The following UBE2E1 variants were observed in gnomAD, a reference collection of about 807,000 sequenced individuals.
UBE2E1 encodes the protein ubiquitin conjugating enzyme E2 E1.
UBE2E1 carries 6 observed loss-of-function variants against 21.4 expected under a neutral mutation model. The observed-to-expected ratio is 0.28, with a 90% CI of 0.15 to 0.55. The LOEUF is 0.55. UBE2E1 is among the 20% of genes least tolerant of loss of function. UBE2E1 has a pLI of 0.93. For synonymous variants in UBE2E1, 87 were observed against 82.7 expected, an observed-to-expected ratio of 1.05 and a Z score of -0.28; for missense variants, 142 against 236.5, an observed-to-expected ratio of 0.60 and a Z score of 2.62.
intron 3 of UBE2E1, among the ~76,000 whole-genome samples, chr3:23,843,636 C>T (rs1219939897): frequency 1.3e-5 from 2 of 152,118 alleles, no homozygotes; most frequent in Non-Finnish European, 2.9e-5. Flanking sequence ...TGTTTTGAAC[C>T]AGCACCCTTC....
intron 3 of UBE2E1, among the ~76,000 whole-genome samples, chr3:23,855,653 C>A (rs1054027670): frequency 6.6e-6 from 1 of 151,960 alleles, no homozygotes; most frequent in Non-Finnish European, 1.5e-5. Flanking sequence ...CATGATGAAA[C>A]CCCGTCTCTA....
rs777184116 is a variant in UBE2E1, at chr3:23,887,403, A to G, written c.204-164A>G. On this transcript the variant is annotated intron_variant, in intron 3 of 5. Coordinates refer to ENST00000306627, the MANE Select transcript of UBE2E1 (RefSeq NM_003341.5). The surrounding 1 kb of genome is among the most constrained non-coding windows in gnomAD (Gnocchi z 4.4). ...CATCCAGTTTGCTTGACCAATGGCT[A>G]TGGGTTTGTTGCAGTTCTGCATCCG... Among the ~76,000 whole-genome samples, 1 of 152,176 alleles carries G rather than the reference A, an allele frequency of 6.6e-6. No homozygotes were observed. Among genetic ancestry groups the G allele is most frequent in the Non-Finnish European group, 1.5e-5 (1 of 68,024 alleles).
At chr3:23,884,781 A>G (rs1701139928) in intron 3 of UBE2E1, among the ~76,000 whole-genome samples, 1 of 152,076 alleles carries the variant, frequency 6.6e-6, no homozygotes, top group Non-Finnish European at 1.5e-5. Context: ...GATTTTAGAG[A>G]GCCTGGCTTC....
intron 3 of UBE2E1, among the ~76,000 whole-genome samples, chr3:23,846,975 A>G (rs1189982835): frequency 2.0e-5 from 3 of 152,190 alleles, no homozygotes; most frequent in Non-Finnish European, 4.4e-5. Context: ...CAATATGTTA[A>G]TCATGTTATT....
At chr3:23,826,726 T>G (rs931302580) in intron 3 of UBE2E1, among the ~76,000 whole-genome samples, 1 of 152,206 alleles carries the variant, frequency 6.6e-6, no homozygotes, top group African/African-American at 2.4e-5. Flanking sequence ...TTTTTCATAG[T>G]TTTTTGTTAT....
intron 3 of UBE2E1, among the ~76,000 whole-genome samples, chr3:23,856,349 A>G (rs1700436764): frequency 6.6e-6 from 1 of 152,220 alleles, no homozygotes; most frequent in South Asian, 2.1e-4. Flanking sequence ...TGTTAAGTGT[A>G]CTTTTAAAGC....
At chr3:23,875,871 C>G (rs551055440) in intron 3 of UBE2E1, among the ~76,000 whole-genome samples, 1 of 152,368 alleles carries the variant, frequency 6.6e-6, no homozygotes, top group South Asian at 2.1e-4. Flanking sequence ...CTCCCAGGTT[C>G]AAGCGATTCT....
At chr3:23,865,227 C>A (rs747608486) in intron 3 of UBE2E1, among the ~76,000 whole-genome samples, 6 of 152,172 alleles carry the variant, frequency 3.9e-5, no homozygotes, top group Non-Finnish European at 8.8e-5. Flanking sequence ...TTCCTTGCAG[C>A]TATGGGACTG....
intron 3 of UBE2E1, among the ~76,000 whole-genome samples, chr3:23,866,050 C>G (rs898752282): frequency 9.9e-5 from 15 of 152,194 alleles, no homozygotes; most frequent in African/African-American, 3.6e-4. Flanking sequence ...CAGACCCTCC[C>G]CTCCAAGCCC....
intron 2 of UBE2E1, among the ~76,000 whole-genome samples, chr3:23,809,014 A>G (rs182461627): frequency 5.3e-5 from 8 of 152,336 alleles, no homozygotes; most frequent in East Asian, 3.9e-4. Context: ...AATTACAGAG[A>G]GGGGGATTTT....
chr3:23,889,289 A>G (rs1217342523), intron 5 of UBE2E1, 30 bp downstream of exon 5: 1 of 1,613,046 alleles, frequency 6.2e-7, no homozygotes, highest in African/African-American at 1.3e-5. Flanking sequence ...ACCTTGTTTT[A>G]TTCTTCCTTA....
intron 3 of UBE2E1, among the ~76,000 whole-genome samples, chr3:23,882,187 A>C (rs1159591828): frequency 6.6e-6 from 1 of 152,114 alleles, no homozygotes; most frequent in Non-Finnish European, 1.5e-5. Flanking sequence ...ATCTGGCCCC[A>C]CCCACATGTT....
At chr3:23,825,883 GAA>G (rs1288294989) in intron 3 of UBE2E1, among the ~76,000 whole-genome samples, 1 of 152,138 alleles carries the variant, frequency 6.6e-6, no homozygotes, top group African/African-American at 2.4e-5. Flanking sequence ...TCCTACTCAT[GAA>G]AAGAGAGAAG....
intron 3 of UBE2E1, among the ~76,000 whole-genome samples, chr3:23,869,180 T>C (rs1216270034): frequency 6.6e-6 from 1 of 152,180 alleles, no homozygotes; most frequent in African/African-American, 2.4e-5. Context: ...TTGTATTTCT[T>C]TGAGTCTAAG....
In UBE2E1 at chr3:23,878,971, T is replaced by G. The variant is rs143376005; in HGVS notation, c.204-8596T>G. 181 of 438,176 alleles carry G rather than the reference T, an allele frequency of 4.1e-4. No homozygotes were observed. In the East Asian group the frequency reaches 9.6e-3, roughly 23 times the overall value. 27.1% of individuals were successfully genotyped at this position (438,176 alleles called of 1,614,324 possible). On this transcript the variant is annotated intron_variant, in intron 3 of 5. Coordinates refer to ENST00000306627, the MANE Select transcript of UBE2E1 (RefSeq NM_003341.5). The stretch of plus-strand genomic sequence containing the variant: ...GCAGCCCCTGGTGCAGAAAAGGTTG[T>G]GGACTGCTGCTTTAGTCCATCTCCT...
chr3:23,875,052 A>G (rs1700887274), intron 3 of UBE2E1, among the ~76,000 whole-genome samples: 1 of 152,170 alleles, frequency 6.6e-6, no homozygotes, highest in Middle Eastern at 3.2e-3. Flanking sequence ...CATCCCTACC[A>G]GAGTAACTTA....
At position 23,889,276 on chromosome 3, in the gene UBE2E1, T is replaced by C; in HGVS notation, c.484+17T>C. 1 of 1,613,452 alleles carries C rather than the reference T, an allele frequency of 6.2e-7. No individual in the cohort carries two copies. The stretch of plus-strand genomic sequence containing the variant: ...GTAATCCTGGTAAGGTTCATAATTC[T>C]TTACCTTGTTTTATTCTTCCTTACC... On this transcript the variant is annotated intron_variant, in intron 5 of 5. Transcript: ENST00000306627.
intron 3 of UBE2E1, among the ~76,000 whole-genome samples, chr3:23,826,337 A>G (rs746227174): frequency 1.2e-4 from 19 of 152,248 alleles, no homozygotes; most frequent in Non-Finnish European, 2.5e-4. Flanking sequence ...TAATGCATAC[A>G]TAATATTTAA....
chr3:23,879,259 T>C (rs1215300920), intron 3 of UBE2E1: 4 of 888,280 alleles, frequency 4.5e-6, no homozygotes, highest in Non-Finnish European at 6.9e-6. Flanking sequence ...GGCCTTACTT[T>C]GTCCTAAACA....
Sources: allele counts gnomAD v4.1 joint callset (sites outside exome capture counted in the v4.1 genomes callset), GRCh38; gene constraint gnomAD v4.1.1; non-coding constraint Gnocchi (gnomAD v3.1); transcripts MANE v1.5; gene names NCBI Gene and HGNC (gene_info 2026-07-23, HGNC 2026-07-21).